The following ZC3H7B variants were observed in gnomAD, a reference collection of about 807,000 sequenced individuals.
The protein encoded by ZC3H7B is zinc finger CCCH-type containing 7B.
ZC3H7B carries 35 observed loss-of-function variants against 116.0 expected under a neutral mutation model. The ratio of observed to expected loss-of-function variants is 0.30; its 90% confidence interval spans 0.23 to 0.40. ZC3H7B has a LOEUF of 0.40. Ranked by LOEUF, ZC3H7B falls within the 10% of genes least tolerant of loss-of-function variation. The pLI, the probability that ZC3H7B is intolerant of heterozygous loss-of-function variation, is 1.00. For synonymous variants in ZC3H7B, 502 were observed against 545.6 expected, an observed-to-expected ratio of 0.92 and a Z score of 1.11; for missense variants, 1,011 against 1,321.5, an observed-to-expected ratio of 0.77 and a Z score of 3.64.
chr22:41,317,552 G>C (rs1363623751), intron 1 of ZC3H7B, among the ~76,000 whole-genome samples: 1 of 152,050 alleles, frequency 6.6e-6, no homozygotes, highest in East Asian at 1.9e-4. Flanking sequence ...CACTGTGGGA[G>C]ACTCAGGTGG....
rs766038481 is a variant in ZC3H7B at position 41,343,441 on chromosome 22, C to T, written c.1324C>T (p.Arg442Cys). 20 of 1,613,310 alleles carry T rather than the reference C, an allele frequency of 1.2e-5. No individual in the cohort carries two copies. Among genetic ancestry groups the T allele is most frequent in the East Asian group, 4.5e-5 (2 of 44,884 alleles). The change falls in exon 13 of 23, where the codon CGT (arginine) becomes TGT (cysteine). Residue 442 changes from arginine to cysteine, a missense_variant. Arg to Cys is a radical substitution (Grantham distance 180). Transcript: ENST00000352645. ...TGPRAGDYTY[R>C]EGLEHKCKRD... ...CCCCCGGGCTGGCGACTACACCTAC[C>T]GTGAGGGCCTTGAGCACAAGTGCAA...
In ZC3H7B at chr22:41,357,530, G is replaced by A. The variant is rs972021032; in HGVS notation, c.*101G>A. On this transcript the variant is annotated 3_prime_UTR_variant, in exon 23 of 23. Transcript: ENST00000352645. This position sits in a 1 kb window ranked among gnomAD's most constrained non-coding sequence, Gnocchi z 5.4. Reference sequence around the variant, plus strand: ...GGGCAGGCCAGGGGGGTGGGGGGCCGCCCTCATCAGGCAGCCCCCAGCCCC... The same window carrying A: ...GGGCAGGCCAGGGGGGTGGGGGGCCACCCTCATCAGGCAGCCCCCAGCCCC... 3.6e-4 allele frequency: 317 copies of A among 884,992 alleles called. No homozygotes were observed. The highest frequency in any genetic ancestry group is 4.6e-4 in the Non-Finnish European group (283 of 611,940). 54.8% of individuals were successfully genotyped at this position (884,992 alleles called of 1,614,324 possible). A position where few individuals can be genotyped will look rare whatever the true frequency, so the allele number is the denominator to read the frequency against.
chr22:41,313,250 C>T (rs2036140899), intron 1 of ZC3H7B, among the ~76,000 whole-genome samples: 2 of 152,158 alleles, frequency 1.3e-5, no homozygotes, highest in South Asian at 4.1e-4. Flanking sequence ...TCCCTAGTAG[C>T]TGGGACTACA....
At chr22:41,339,329 C>T (rs1334492060) in intron 9 of ZC3H7B, 138 bp downstream of exon 9, 2 of 1,103,970 alleles carry the variant, frequency 1.8e-6, no homozygotes, top group Non-Finnish European at 2.5e-6. Context: ...TTGTTTGGTA[C>T]AGAAATGAAG....
At chr22:41,307,748 G>C (rs565276356) in intron 1 of ZC3H7B, among the ~76,000 whole-genome samples, 1 of 152,092 alleles carries the variant, frequency 6.6e-6, no homozygotes, top group African/African-American at 2.4e-5. Flanking sequence ...GCAATCATTG[G>C]CAGCCCCATC....
chr22:41,350,794 A>G (rs1266526242), intron 16 of ZC3H7B, among the ~76,000 whole-genome samples: 1 of 152,176 alleles, frequency 6.6e-6, no homozygotes, highest in Non-Finnish European at 1.5e-5. Flanking sequence ...TGGCCTGTAG[A>G]TACATACTTG....
chr22:41,357,515 G>C lies in ZC3H7B; in HGVS notation c.*86G>C, dbSNP rs1601800908. 2.0e-6 allele frequency: 2 copies of C among 993,966 alleles called. No individual in the cohort carries two copies. The highest frequency in any genetic ancestry group is 2.9e-6 in the Non-Finnish European group (2 of 701,034). The allele number at this position is 993,966 out of a possible 1,614,324, so 61.6% of individuals were successfully genotyped here. A position where few individuals can be genotyped will look rare whatever the true frequency, so the allele number is the denominator to read the frequency against. On this transcript the variant is annotated 3_prime_UTR_variant, in exon 23 of 23. Transcript: ENST00000352645. This position sits in a 1 kb window ranked among gnomAD's most constrained non-coding sequence, Gnocchi z 5.4. ...CTGATAGAAGGGTCAGGGCAGGCCA[G>C]GGGGGTGGGGGGCCGCCCTCATCAG...
At chr22:41,306,373 CTTTTT>C (rs150362292) in intron 1 of ZC3H7B, among the ~76,000 whole-genome samples, 1 of 136,162 alleles carries the variant, frequency 7.3e-6, no homozygotes, top group Non-Finnish European at 1.6e-5. Context: ...TTATTTAATT[CTTTTT>C]TTTTTTTTTT....
intron 12 of ZC3H7B, 66 bp from the exon 13 acceptor site, chr22:41,343,349 G>C: frequency 6.4e-7 from 1 of 1,555,506 alleles, no homozygotes; most frequent in African/African-American, 1.4e-5. Context: ...CCACCGCATG[G>C]GCCTGCCAGC....
chr22:41,303,345 G>A (rs1302884569), intron 1 of ZC3H7B, among the ~76,000 whole-genome samples: 1 of 152,300 alleles, frequency 6.6e-6, no homozygotes, highest in East Asian at 1.9e-4. Flanking sequence ...GTTCTTAGCT[G>A]CTGGCTTTTG....
chr22:41,302,323 C>G lies in ZC3H7B; in HGVS notation c.-7+551C>G, dbSNP rs1424244159. ...GGGCCGCCCCTTTCGGCTGCGGCGG[C>G]CACGCGAGCCCGGGGATCCGGGGCC... On this transcript the variant is annotated intron_variant, in intron 1 of 22. Transcript: ENST00000352645. This position sits in a 1 kb window ranked among gnomAD's most constrained non-coding sequence, Gnocchi z 5.7. Among the ~76,000 whole-genome samples, 2 of 151,638 alleles carry G rather than the reference C, an allele frequency of 1.3e-5. No individual in the cohort carries two copies. Among genetic ancestry groups the G allele is most frequent in the Non-Finnish European group, 2.9e-5 (2 of 67,830 alleles).
chr22:41,324,777 C>T (rs937003379), intron 2 of ZC3H7B, among the ~76,000 whole-genome samples: 20 of 152,104 alleles, frequency 1.3e-4, no homozygotes. Flanking sequence ...GGTGGACTCC[C>T]GGTGCCTCAG....
chr22:41,313,280 G>A (rs1249464477), intron 1 of ZC3H7B, among the ~76,000 whole-genome samples: 1 of 152,082 alleles, frequency 6.6e-6, no homozygotes, highest in Admixed American at 6.5e-5. Context: ...CACCACGCCA[G>A]GCTAATTTTT....
chr22:41,323,313 T>G (rs2145912583), intron 2 of ZC3H7B, among the ~76,000 whole-genome samples: 1 of 152,316 alleles, frequency 6.6e-6, no homozygotes, highest in Middle Eastern at 3.4e-3. Flanking sequence ...GGTTTGATTT[T>G]GGGGAAGTGT....
At chr22:41,353,246 G>A (rs962259582) in intron 17 of ZC3H7B, among the ~76,000 whole-genome samples, 8 of 152,196 alleles carry the variant, frequency 5.3e-5, no homozygotes, top group African/African-American at 1.7e-4. Flanking sequence ...TTTGCAGATG[G>A]GGAAGCTGAG....
chr22:41,320,586 C>T (rs2036242741), intron 1 of ZC3H7B, 69 bp from the exon 2 acceptor site: 27 of 1,577,154 alleles, frequency 1.7e-5, no homozygotes, highest in Middle Eastern at 3.3e-4. Context: ...ACAGGACCCA[C>T]GAAGTGGTGG....
At position 41,346,143 on chromosome 22, in the gene ZC3H7B, C is replaced by T. The variant is rs1369695130; in HGVS notation, c.1600C>T (p.Arg534Cys). Residue 534 changes from arginine (R) to cysteine (C), a missense_variant, in exon 14 of 23, where the codon CGC (arginine) becomes TGC (cysteine). Transcript: ENST00000352645. This position sits in a 1 kb window ranked among gnomAD's most constrained non-coding sequence, Gnocchi z 5.3. ...LLFDPLGGVK[R>C]GSLTIAKLLK... ...CTTCGACCCGCTGGGGGGTGTTAAG[C>T]GCGGCAGCCTCACCATCGCCAAGCT... The T allele has an allele frequency of 6.2e-6, 10 of 1,612,918 alleles. No individual in the cohort carries two copies. Among genetic ancestry groups the T allele is most frequent in the Admixed American group, 3.3e-5 (2 of 60,004 alleles).
rs756630483 is a variant in ZC3H7B, at chr22:41,340,067, G to T, written c.1068G>T (p.Glu356Asp). The T allele has an allele frequency of 6.2e-7, 1 of 1,612,024 alleles. No individual in the cohort carries two copies. The highest frequency in any genetic ancestry group is 1.7e-5 in the Admixed American group (1 of 59,998). Residue 356 changes from glutamate (E) to aspartate (D), a missense_variant, in exon 10 of 23, where the codon GAG becomes GAT. By Grantham distance (45) the Glu-to-Asp change is conservative. Transcript: ENST00000352645. ...LDPLDLLPYS[E>D]TRLDALDSFG... ...CCCTGGACCTGCTGCCGTACTCGGA[G>T]ACCCGGCTGGATGCACTCGACAGCT... is the stretch of plus-strand genomic sequence containing the variant.
intron 1 of ZC3H7B, 70 bp downstream of exon 1, chr22:41,301,842 C>G (rs1266259620): frequency 1.3e-5 from 2 of 151,812 alleles, no homozygotes; most frequent in East Asian, 3.9e-4. Context: ...GCCGCCCGCG[C>G]GCGAGGGTTC....
Sources: allele counts gnomAD v4.1 joint callset (sites outside exome capture counted in the v4.1 genomes callset), GRCh38; gene constraint gnomAD v4.1.1; non-coding constraint Gnocchi (gnomAD v3.1); transcripts MANE v1.5; gene names NCBI Gene and HGNC (gene_info 2026-07-23, HGNC 2026-07-21).